Variants in CFAP20DC observed in about 807,000 individuals in gnomAD.
CFAP20DC encodes the protein CFAP20 domain containing.
A neutral mutation model predicts 101.7 loss-of-function variants in CFAP20DC; 84 were observed. The ratio of observed to expected loss-of-function variants is 0.83; its 90% CI spans 0.69 to 0.99. The LOEUF (loss-of-function observed/expected upper bound fraction) is 0.99, where lower values mean the gene tolerates loss of function less well. CFAP20DC is among the 50% of genes least tolerant of loss of function. The probability of loss-of-function intolerance (pLI) is 0.00; values close to 1 mark genes in which losing one functional copy is unlikely to be tolerated. For synonymous variants in CFAP20DC, 359 were observed against 351.2 expected (o/e 1.02, Z -0.25); for missense variants, 1,007 against 970.3 (o/e 1.04, Z -0.50).
At chr3:58,842,800 A>C (rs1010664520) in intron 13 of CFAP20DC, among the ~76,000 whole-genome samples, 7 of 152,204 alleles carry the variant, frequency 4.6e-5, no homozygotes, top group African/African-American at 1.7e-4. Context: ...TTCTCCCAGC[A>C]CGCAGCTGGA....
intron 7 of CFAP20DC, among the ~76,000 whole-genome samples, chr3:58,877,621 T>A (rs1003617321): frequency 6.6e-6 from 1 of 152,186 alleles, no homozygotes; most frequent in Non-Finnish European, 1.5e-5. Context: ...AGCACCCCAA[T>A]GCCTCTTTGT....
At chr3:58,877,329 T>G (rs2080835147) in intron 7 of CFAP20DC, among the ~76,000 whole-genome samples, 1 of 152,180 alleles carries the variant, frequency 6.6e-6, no homozygotes, top group South Asian at 2.1e-4. Flanking sequence ...AAGCAAATAA[T>G]TTATAAATAA....
chr3:58,833,509 C>G (rs2076536591), intron 13 of CFAP20DC, among the ~76,000 whole-genome samples: 1 of 152,058 alleles, frequency 6.6e-6, no homozygotes, highest in African/African-American at 2.4e-5. Context: ...AAATACAAAT[C>G]AAAACCACAA....
At chr3:58,816,654 T>C (rs28889407) in intron 14 of CFAP20DC, among the ~76,000 whole-genome samples, 18,222 of 152,034 alleles carry the variant, frequency 0.12, 2,002 homozygotes, top group East Asian at 0.35. Context: ...CACGGAATCT[T>C]GCTGATTGCT....
At chr3:58,810,271 T>C (rs1179024417) in intron 14 of CFAP20DC, among the ~76,000 whole-genome samples, 9 of 152,062 alleles carry the variant, frequency 5.9e-5, no homozygotes, top group Admixed American at 1.3e-4. Context: ...TTTAGACCAA[T>C]ATCCTTGATG....
At chr3:58,984,724 A>C (rs998781867) in intron 4 of CFAP20DC, among the ~76,000 whole-genome samples, 1 of 152,206 alleles carries the variant, frequency 6.6e-6, no homozygotes. Flanking sequence ...GTGAAAAGAA[A>C]ACCAGCATGG....
At chr3:58,770,401 C>A (rs936612673) in intron 15 of CFAP20DC, among the ~76,000 whole-genome samples, 5 of 152,082 alleles carry the variant, frequency 3.3e-5, no homozygotes, top group Admixed American at 6.6e-5. Context: ...GGAATTTGGA[C>A]TACTGGGAAC....
intron 13 of CFAP20DC, among the ~76,000 whole-genome samples, chr3:58,848,402 A>T (rs2108293603): frequency 6.6e-6 from 1 of 152,278 alleles, no homozygotes; most frequent in Non-Finnish European, 1.5e-5. Flanking sequence ...AAAAAATGGA[A>T]TGTACATGTC....
rs565032570 is a variant in CFAP20DC, at chr3:58,933,331, T to C, written c.393+4317A>G. 5.2e-4 allele frequency among the ~76,000 whole-genome samples: 79 copies of C among 151,654 alleles called. 1 individual carries two copies. The highest frequency in any genetic ancestry group is 1.8e-3 in the African/African-American group (76 of 41,372). Reference sequence around the variant, plus strand: ...CCCACACAATAATAATGGGAGACTTTAACACCCCACTGTCAACATTAGACA... The same window carrying C: ...CCCACACAATAATAATGGGAGACTTCAACACCCCACTGTCAACATTAGACA... On this transcript the variant is annotated intron_variant, in intron 5 of 16. Transcript: ENST00000482387.
intron 14 of CFAP20DC, among the ~76,000 whole-genome samples, chr3:58,826,279 G>A (rs2076032352): frequency 6.6e-6 from 1 of 152,108 alleles, no homozygotes; most frequent in Admixed American, 6.5e-5. Flanking sequence ...GAATCTTGAC[G>A]AAAATTATTT....
At chr3:58,924,810 CATTTCTTTGACG>C (rs1376649963) in intron 5 of CFAP20DC, among the ~76,000 whole-genome samples, 3 of 152,018 alleles carry the variant, frequency 2.0e-5, no homozygotes, top group African/African-American at 7.2e-5. Flanking sequence ...TTTTAATTTG[CATTTCTTTGACG>C]ATTATTGATG....
intron 6 of CFAP20DC, among the ~76,000 whole-genome samples, chr3:58,900,136 G>C (rs896613815): frequency 1.3e-5 from 2 of 152,172 alleles, no homozygotes; most frequent in Admixed American, 6.5e-5. Context: ...GAGGTGAAAG[G>C]AATAGATCAT....
Position 58,833,902 on chromosome 3 carries a change from G to C in CFAP20DC, c.1972-2013C>G, listed in dbSNP as rs144036013. On this transcript the variant is annotated intron_variant, in intron 13 of 16. Coordinates refer to ENST00000482387, the MANE Select transcript of CFAP20DC (RefSeq NM_001394063.1). ...CCTAAAGAGTAATGAAGGGCTGGAT[G>C]AACTTTGAAAATATTATGCTATCTG... 1.4e-3 allele frequency among the ~76,000 whole-genome samples: 215 copies of C among 152,262 alleles called. 2 individuals are homozygous for C. Among genetic ancestry groups the C allele is most frequent in the East Asian group, 0.01 (53 of 5,184 alleles).
chr3:58,759,902 T>G (rs1310391762), intron 15 of CFAP20DC, among the ~76,000 whole-genome samples: 1 of 152,224 alleles, frequency 6.6e-6, no homozygotes, highest in Non-Finnish European at 1.5e-5. Context: ...ATATCTCTGT[T>G]TTGGTACCAG....
At position 58,724,010 on chromosome 3, in the gene CFAP20DC, G is replaced by A. The variant is rs2067511216; in HGVS notation, c.198-6382C>T. Among the ~76,000 whole-genome samples the A allele has an allele frequency of 6.6e-6, 1 of 152,154 alleles. No homozygotes were observed. Among genetic ancestry groups the A allele is most frequent in the South Asian group, 2.1e-4 (1 of 4,822 alleles). ...GATAGAGGACAAACATTCATTCGCT[G>A]GTCTCTGTTCTTGGGGAAGTAACAT... On this transcript the variant is annotated intron_variant, in intron 3 of 3. Transcript: ENST00000486145. The surrounding 1 kb of genome is among the most constrained non-coding windows in gnomAD (Gnocchi z 5.6).
At chr3:58,760,051 G>A (rs1007505593) in intron 15 of CFAP20DC, among the ~76,000 whole-genome samples, 1 of 152,198 alleles carries the variant, frequency 6.6e-6, no homozygotes, top group Non-Finnish European at 1.5e-5. Flanking sequence ...CTTTAAAGTA[G>A]TTCTTTCCAA....
chr3:58,934,409 C>T (rs1258052589), intron 5 of CFAP20DC, among the ~76,000 whole-genome samples: 1 of 152,156 alleles, frequency 6.6e-6, no homozygotes, highest in East Asian at 1.9e-4. Flanking sequence ...GGAATCCTCC[C>T]TAACTCATTT....
At chr3:58,901,511 G>A (rs568286514) in intron 6 of CFAP20DC, among the ~76,000 whole-genome samples, 2 of 152,264 alleles carry the variant, frequency 1.3e-5, no homozygotes, top group African/African-American at 2.4e-5. Context: ...AATTAAATGA[G>A]GTTTAAGTAA....
chr3:59,013,665 G>C (rs1322585587), intron 4 of CFAP20DC, among the ~76,000 whole-genome samples: 1 of 152,074 alleles, frequency 6.6e-6, no homozygotes, highest in African/African-American at 2.4e-5. Flanking sequence ...ATGCTTACCA[G>C]GAATAGTAGG....
Sources: gnomAD v4.1 joint callset for allele counts (sites outside exome capture counted in the v4.1 genomes callset) on GRCh38, gnomAD v4.1.1 for gene constraint, Gnocchi (gnomAD v3.1) non-coding constraint, MANE v1.5 for transcripts, NCBI Gene and HGNC (gene_info 2026-07-23, HGNC 2026-07-21) for gene names.